CSMD2: variants seen among roughly 807,000 people sequenced by gnomAD.
CSMD2 encodes CUB and sushi domain-containing protein 2.
In CSMD2, 130 loss-of-function variants were observed where a neutral mutation model predicts 398.5. The observed-to-expected ratio is 0.33, with a 90% CI of 0.28 to 0.38. The LOEUF (loss-of-function observed/expected upper bound fraction) is 0.38, where lower values mean the gene tolerates loss of function less well. Among genes scored for constraint, CSMD2 ranks in the 10% least tolerant of loss-of-function variants. The pLI, the probability that CSMD2 is intolerant of heterozygous loss-of-function variation, is 1.00. For missense variants in CSMD2, 3,829 were observed against 4,764.9 expected (o/e 0.80, Z 5.78); for synonymous variants, 1,828 against 1,908.5 (o/e 0.96, Z 1.10).
chr1:33,671,823 C>G (rs1228536027), intron 25 of CSMD2, among the ~76,000 whole-genome samples: 3 of 152,224 alleles, frequency 2.0e-5, no homozygotes, highest in Non-Finnish European at 4.4e-5. Flanking sequence ...GTGCTGCCCA[C>G]AGGCAAAACT....
intron 62 of CSMD2, among the ~76,000 whole-genome samples, chr1:33,536,253 T>C (rs927559001): frequency 1.3e-5 from 2 of 152,218 alleles, no homozygotes; most frequent in Non-Finnish European, 2.9e-5. Flanking sequence ...AGACCGAGTC[T>C]CGCTCTGTTG....
At chr1:33,774,015 G>A (rs934111146) in intron 12 of CSMD2, among the ~76,000 whole-genome samples, 1 of 151,986 alleles carries the variant, frequency 6.6e-6, no homozygotes, top group African/African-American at 2.4e-5. Flanking sequence ...TTTTATGGGC[G>A]GGCTCTTGAC....
At chr1:34,057,791 C>T (rs1570959551) in intron 2 of CSMD2, among the ~76,000 whole-genome samples, 1 of 152,224 alleles carries the variant, frequency 6.6e-6, no homozygotes, top group East Asian at 1.9e-4. Flanking sequence ...ATCATAAAAA[C>T]AACTACCCAC....
At chr1:33,557,617 GACAC>G (rs10579079) in intron 55 of CSMD2, 113 bp downstream of exon 55, 70,895 of 654,240 alleles carry the variant, frequency 0.11, 1,602 homozygotes, top group Middle Eastern at 0.16. Context: ...TACATGTGCA[GACAC>G]ACACACACAC....
intron 25 of CSMD2, among the ~76,000 whole-genome samples, chr1:33,670,232 C>T (rs965852850): frequency 5.9e-5 from 9 of 152,202 alleles, no homozygotes; most frequent in Non-Finnish European, 7.3e-5. Flanking sequence ...ATTGACTTCC[C>T]TGTCTTGCTG....
intron 25 of CSMD2, among the ~76,000 whole-genome samples, chr1:33,683,172 C>T (rs534097227): frequency 5.9e-5 from 9 of 152,190 alleles, no homozygotes; most frequent in African/African-American, 1.7e-4. Context: ...TTAATTTCTT[C>T]GCATTCCTTT....
At chr1:33,867,121 A>G (rs1031507591) in intron 5 of CSMD2, among the ~76,000 whole-genome samples, 11 of 152,310 alleles carry the variant, frequency 7.2e-5, no homozygotes, top group African/African-American at 2.4e-4. Flanking sequence ...TTCTGTGATT[A>G]TGTGATGATA....
In CSMD2 at chr1:33,540,615, C is replaced by A; in HGVS notation, c.9541G>T (p.Ala3181Ser). Residue 3181 changes from alanine to serine, a missense_variant, in exon 60 of 71, where the codon GCC becomes TCC. By Grantham distance (99) the Ala-to-Ser change is moderately conservative. Transcript: ENST00000373381. ...GAGAGCTGGTACCCCTCCAGGCAGG[C>A]ATAAGTCACACTTGAGCCCCACATG... ...DFMWGSSVTYACLEGYQLSLP... is the reference protein window; with the variant it reads ...DFMWGSSVTYSCLEGYQLSLP... 1 of 1,614,192 alleles carries A rather than the reference C, an allele frequency of 6.2e-7. No individual in the cohort carries two copies. The highest frequency in any genetic ancestry group is 8.5e-7 in the Non-Finnish European group (1 of 1,180,042).
chr1:34,103,347 G>A (rs1254004229), intron 1 of CSMD2, among the ~76,000 whole-genome samples: 2 of 141,402 alleles, frequency 1.4e-5, no homozygotes, highest in Non-Finnish European at 3.0e-5. Flanking sequence ...CAACCAGGCT[G>A]GAGTGCAGTG....
chr1:33,951,787 C>T (rs557642446), intron 3 of CSMD2, among the ~76,000 whole-genome samples: 7 of 152,326 alleles, frequency 4.6e-5, no homozygotes, highest in Admixed American at 1.3e-4. Flanking sequence ...GTTTTCCTCC[C>T]GCTACTTCCA....
At chr1:33,593,741 A>T (rs959529911) in intron 44 of CSMD2, among the ~76,000 whole-genome samples, 1 of 152,178 alleles carries the variant, frequency 6.6e-6, no homozygotes, top group Non-Finnish European at 1.5e-5. Flanking sequence ...TGCATTTTTC[A>T]TTACAATTGA....
intron 3 of CSMD2, among the ~76,000 whole-genome samples, chr1:34,007,682 A>G (rs920830362): frequency 7.2e-5 from 11 of 152,240 alleles, no homozygotes; most frequent in African/African-American, 2.7e-4. Context: ...AAAGGGGAAG[A>G]GTAGAAACAA....
rs1482623988 is a variant in CSMD2 at position 33,636,235 on chromosome 1, T to A, written c.4969+125A>T. ...TATACACATCCACGGCAAACCCAGG[T>A]TTGCCAGGCTTGGAGGAGCCGGGCT... On this transcript the variant is annotated intron_variant, in intron 30 of 70. Coordinates refer to ENST00000373381, the MANE Select transcript of CSMD2 (RefSeq NM_001281956.2). The surrounding 1 kb of genome is among the most constrained non-coding windows in gnomAD (Gnocchi z 4.8). The A allele has an allele frequency of 1.1e-6, 1 of 887,702 alleles. No homozygotes were observed. The highest frequency in any genetic ancestry group is 1.7e-6 in the Non-Finnish European group (1 of 588,500). 55.0% of individuals were successfully genotyped at this position (887,702 alleles called of 1,614,324 possible). A position where few individuals can be genotyped will look rare whatever the true frequency, so the allele number is the denominator to read the frequency against.
At chr1:34,043,400 T>A (rs1652098438) in intron 2 of CSMD2, among the ~76,000 whole-genome samples, 1 of 152,212 alleles carries the variant, frequency 6.6e-6, no homozygotes, top group Non-Finnish European at 1.5e-5. Context: ...GGAAAGAGTT[T>A]AGGGATCCTT....
At chr1:33,770,291 T>C (rs1557866858) in intron 13 of CSMD2, among the ~76,000 whole-genome samples, 1 of 152,240 alleles carries the variant, frequency 6.6e-6, no homozygotes, top group Non-Finnish European at 1.5e-5. Context: ...AAAGCTGAGC[T>C]AGAACTAAGA....
chr1:34,022,965 A>G (rs1339130113), intron 3 of CSMD2, among the ~76,000 whole-genome samples: 2 of 152,102 alleles, frequency 1.3e-5, no homozygotes, highest in Non-Finnish European at 1.5e-5. Flanking sequence ...CTGAACAGGT[A>G]GGGCTACGGG....
chr1:33,617,688 G>T, intron 37 of CSMD2, 71 bp from the exon 38 acceptor site: 1 of 1,148,434 alleles, frequency 8.7e-7, no homozygotes, highest in Non-Finnish European at 1.3e-6. Flanking sequence ...GTAGGCTGGG[G>T]TGAGATGCTG....
At chr1:33,854,262 C>T (rs1638915810) in intron 5 of CSMD2, among the ~76,000 whole-genome samples, 1 of 152,222 alleles carries the variant, frequency 6.6e-6, no homozygotes, top group African/African-American at 2.4e-5. Context: ...TCCCTGAAGA[C>T]AGGAGCTGTT....
chr1:34,152,397 AC>A (rs1640407164), intron 1 of CSMD2, among the ~76,000 whole-genome samples: 1 of 152,058 alleles, frequency 6.6e-6, no homozygotes, highest in South Asian at 2.1e-4. Context: ...TGCCAGTAGC[AC>A]CCTACCCTCA....
Sources: gnomAD v4.1 joint callset for allele counts (sites outside exome capture counted in the v4.1 genomes callset) on GRCh38, gnomAD v4.1.1 for gene constraint, Gnocchi (gnomAD v3.1) non-coding constraint, MANE v1.5 for transcripts, NCBI Gene and HGNC (gene_info 2026-07-23, HGNC 2026-07-21) for gene names.